Variants in PSMD12 observed in about 807,000 individuals in gnomAD.
The protein encoded by PSMD12 is proteasome 26S subunit, non-ATPase 12, also known as 26S proteasome non-ATPase regulatory subunit 12.
A neutral mutation model predicts 62.9 loss-of-function variants in PSMD12; 8 were observed. The ratio of observed to expected loss-of-function variants is 0.13; its 90% CI spans 0.07 to 0.23. The LOEUF (loss-of-function observed/expected upper bound fraction) is 0.23, where lower values mean the gene tolerates loss of function less well. Among genes scored for constraint, PSMD12 ranks in the 10% least tolerant of loss-of-function variants. The pLI, the probability that PSMD12 is intolerant of heterozygous loss-of-function variation, is 1.00. For synonymous variants in PSMD12, 173 were observed against 187.4 expected, an observed-to-expected ratio of 0.92 and a Z score of 0.63; for missense variants, 424 against 550.2, an observed-to-expected ratio of 0.77 and a Z score of 2.29.
At chr17:67,354,353 T>C (rs2042047083) in intron 3 of PSMD12, among the ~76,000 whole-genome samples, 2 of 150,822 alleles carry the variant, frequency 1.3e-5, no homozygotes, top group Admixed American at 1.3e-4. Flanking sequence ...GAGGCTGCAG[T>C]GAGCTATGAT....
Position 67,340,835 on chromosome 17 carries a change from T to G in PSMD12, c.*8A>C. ...CAATTTTAACTTTTTTCTAAAGCAC[T>G]AAGACCCTTATTGTAGATTATGTAT... is the stretch of plus-strand genomic sequence containing the variant. On this transcript the variant is annotated 3_prime_UTR_variant, in exon 11 of 11. Coordinates refer to ENST00000356126, the MANE Select transcript of PSMD12 (RefSeq NM_002816.5). The G allele has an allele frequency of 1.9e-6, 3 of 1,554,436 alleles. No homozygotes were observed. The highest frequency in any genetic ancestry group is 2.5e-5 in the South Asian group (2 of 81,052).
At chr17:67,351,780 T>G (rs2042020409) in intron 3 of PSMD12, among the ~76,000 whole-genome samples, 1 of 151,796 alleles carries the variant, frequency 6.6e-6, no homozygotes, top group Admixed American at 6.6e-5. Context: ...CGTCTGTTAT[T>G]TCCACCTTTT....
At chr17:67,362,663 A>G (rs991087885) in intron 1 of PSMD12, 9 of 146,916 alleles carry the variant, frequency 6.1e-5, no homozygotes, top group Admixed American at 1.4e-4. Context: ...GTCCATCTCA[A>G]AAAAAAAAAA....
intron 8 of PSMD12, 137 bp from the exon 9 acceptor site, chr17:67,344,917 T>C (rs2041950570): frequency 1.4e-6 from 1 of 720,004 alleles, no homozygotes; most frequent in Non-Finnish European, 2.2e-6. Context: ...CATATGATTA[T>C]TGTGTATTTT....
intron 1 of PSMD12, among the ~76,000 whole-genome samples, chr17:67,361,821 A>G (rs548236390): frequency 6.9e-6 from 1 of 145,884 alleles, no homozygotes; most frequent in South Asian, 2.2e-4. Context: ...AGCTACTCAG[A>G]AAGCTGAAGC....
chr17:67,360,593 C>G (rs942091782), intron 1 of PSMD12, among the ~76,000 whole-genome samples: 3 of 152,194 alleles, frequency 2.0e-5, no homozygotes, highest in Non-Finnish European at 2.9e-5. Flanking sequence ...GTTCAGTGAG[C>G]TGCATCACAC....
rs2041885464 is a variant in PSMD12 at position 67,339,080 on chromosome 17, T to C, written c.*1763A>G. On this transcript the variant is annotated 3_prime_UTR_variant, in exon 11 of 11. Transcript: ENST00000356126. ...GAAAATTAAAACCATACTCTGTTAG[T>C]GTGAACTTCTGTTTCTGAACTTTCC... The C allele has an allele frequency of 6.6e-6, 1 of 152,180 alleles. No homozygotes were observed. The highest frequency in any genetic ancestry group is 2.1e-4 in the South Asian group (1 of 4,834). 9.4% of individuals were successfully genotyped at this position (152,180 alleles called of 1,614,324 possible).
At chr17:67,348,778 G>A (rs575183797) in intron 4 of PSMD12, 124 bp from the exon 5 acceptor site, 27 of 742,294 alleles carry the variant, frequency 3.6e-5, no homozygotes, top group Middle Eastern at 3.8e-4. Flanking sequence ...CAGGAGGATC[G>A]CTTGAGTCCA....
At chr17:67,356,665 CTAAA>C (rs2143722458) in intron 3 of PSMD12, among the ~76,000 whole-genome samples, 1 of 142,058 alleles carries the variant, frequency 7.0e-6, no homozygotes, top group South Asian at 2.3e-4. Flanking sequence ...AGGGATATGA[CTAAA>C]TAAAATGAGA....
At position 67,338,600 on chromosome 17, in the gene PSMD12, T is replaced by C. The variant is rs1337394967; in HGVS notation, c.*2243A>G. 6.6e-6 allele frequency: 1 copy of C among 152,438 alleles called. No homozygotes were observed. The highest frequency in any genetic ancestry group is 1.9e-4 in the East Asian group (1 of 5,188). The allele number at this position is 152,438 out of a possible 1,614,324, so 9.4% of individuals were successfully genotyped here. A position where few individuals can be genotyped will look rare whatever the true frequency, so the allele number is the denominator to read the frequency against. On this transcript the variant is annotated 3_prime_UTR_variant, in exon 11 of 11. Coordinates refer to ENST00000356126, the MANE Select transcript of PSMD12 (RefSeq NM_002816.5). ...TGGGTGCAGTGGCTCATGCCTGTAA[T>C]CCCAGCACTTTGGGCAGCCAAGGCG...
At chr17:67,356,253 A>G (rs879007031) in intron 3 of PSMD12, among the ~76,000 whole-genome samples, 21 of 152,096 alleles carry the variant, frequency 1.4e-4, no homozygotes, top group African/African-American at 5.1e-4. Flanking sequence ...GAATGTCAGT[A>G]ATACCTCAAA....
At chr17:67,352,272 T>C (rs1198985968) in intron 3 of PSMD12, among the ~76,000 whole-genome samples, 2 of 152,138 alleles carry the variant, frequency 1.3e-5, no homozygotes, top group African/African-American at 2.4e-5. Context: ...TTTTTAAAGT[T>C]TTTTTGTAAA....
chr17:67,346,541 G>A (rs1172903057), intron 7 of PSMD12, among the ~76,000 whole-genome samples: 1 of 152,118 alleles, frequency 6.6e-6, no homozygotes, highest in African/African-American at 2.4e-5. Context: ...CTCCAGCCTG[G>A]GCGACAGAGC....
intron 9 of PSMD12, among the ~76,000 whole-genome samples, chr17:67,344,274 G>C (rs1030496009): frequency 2.6e-5 from 4 of 152,104 alleles, no homozygotes; most frequent in African/African-American, 9.7e-5. Context: ...ATTCTTAAGA[G>C]GTTCTCTCAC....
intron 3 of PSMD12, among the ~76,000 whole-genome samples, chr17:67,356,002 ACACACACG>A (rs1235940261): frequency 3.6e-4 from 53 of 148,786 alleles, no homozygotes; most frequent in Non-Finnish European, 5.5e-4. Flanking sequence ...ACACACACAC[ACACACACG>A]CACACACACA....
At chr17:67,346,458 A>G (rs371836332) in intron 7 of PSMD12, among the ~76,000 whole-genome samples, 3 of 151,184 alleles carry the variant, frequency 2.0e-5, no homozygotes, top group Non-Finnish European at 4.4e-5. Context: ...CCGGCTACTC[A>G]GGAGACTGAG....
intron 3 of PSMD12, among the ~76,000 whole-genome samples, chr17:67,352,267 A>G (rs2042025911): frequency 6.6e-6 from 1 of 151,916 alleles, no homozygotes; most frequent in Non-Finnish European, 1.5e-5. Context: ...TAATATTTTT[A>G]AAGTTTTTTT....
intron 1 of PSMD12, among the ~76,000 whole-genome samples, chr17:67,358,595 A>G (rs932382820): frequency 6.6e-6 from 1 of 150,694 alleles, no homozygotes; most frequent in African/African-American, 2.4e-5. Flanking sequence ...AAGAAAAGAA[A>G]AAAAAGAAAA....
chr17:67,350,516 T>C (rs1344903317), intron 3 of PSMD12, among the ~76,000 whole-genome samples, 180 bp from the exon 4 acceptor site: 1 of 152,110 alleles, frequency 6.6e-6, no homozygotes, highest in Non-Finnish European at 1.5e-5. Flanking sequence ...GAGTACCCCG[T>C]AACAAGTCAG....
Sources: allele counts gnomAD v4.1 joint callset (sites outside exome capture counted in the v4.1 genomes callset), GRCh38; gene constraint gnomAD v4.1.1; transcripts MANE v1.5; gene names NCBI Gene and HGNC (gene_info 2026-07-23, HGNC 2026-07-21).